Variants in KSR2 observed in about 807,000 individuals in gnomAD.
The protein encoded by KSR2 is kinase suppressor of ras 2.
In KSR2, 25 loss-of-function variants were observed where a neutral mutation model predicts 107.8. The observed-to-expected ratio is 0.23, with a 90% CI of 0.17 to 0.32. The LOEUF is 0.32. Ranked by LOEUF, KSR2 falls within the 10% of genes least tolerant of loss-of-function variation. The probability of loss-of-function intolerance (pLI) is 1.00; values close to 1 mark genes in which losing one functional copy is unlikely to be tolerated. For synonymous variants in KSR2, 480 were observed against 507.0 expected (o/e 0.95, Z 0.71); for missense variants, 887 against 1,268.9 (o/e 0.70, Z 4.57).
At chr12:117,698,712 C>T (rs957387411) in intron 4 of KSR2, among the ~76,000 whole-genome samples, 1 of 152,206 alleles carries the variant, frequency 6.6e-6, no homozygotes, top group African/African-American at 2.4e-5. Context: ...TCCAAACCCA[C>T]TTCCAAACCC....
chr12:117,909,816 G>A (rs1309306554), intron 1 of KSR2, among the ~76,000 whole-genome samples: 1 of 151,880 alleles, frequency 6.6e-6, no homozygotes, highest in African/African-American at 2.4e-5. Context: ...GCTGAGGCAG[G>A]AGGATCACTT....
chr12:117,579,290 C>T, intron 6 of KSR2, 88 bp from the exon 7 acceptor site: 1 of 908,654 alleles, frequency 1.1e-6, no homozygotes, highest in Non-Finnish European at 1.8e-6. Context: ...AGAGCAAGCA[C>T]ATGAACCCTG....
chr12:117,645,868 CGTGT>C (rs58896782), intron 5 of KSR2, among the ~76,000 whole-genome samples: 53,281 of 141,514 alleles, frequency 0.38, 10,661 homozygotes, highest in Non-Finnish European at 0.46. Context: ...TGTGTATGTG[CGTGT>C]GTGTGTGTGT....
At chr12:117,737,265 T>C (rs1397172812) in intron 4 of KSR2, among the ~76,000 whole-genome samples, 2 of 152,200 alleles carry the variant, frequency 1.3e-5, no homozygotes, top group African/African-American at 4.8e-5. Flanking sequence ...AAGAATAGTT[T>C]TTATATTTTA....
At chr12:117,583,361 GT>G (rs1879796494) in intron 5 of KSR2, among the ~76,000 whole-genome samples, 1 of 149,240 alleles carries the variant, frequency 6.7e-6, no homozygotes, top group African/African-American at 2.5e-5. Context: ...GGGTGAGTGA[GT>G]GGGTGGGTGG....
intron 1 of KSR2, among the ~76,000 whole-genome samples, chr12:117,880,613 T>G (rs1477107337): frequency 6.6e-6 from 1 of 151,862 alleles, no homozygotes; most frequent in African/African-American, 2.4e-5. Flanking sequence ...GCCATGAAAT[T>G]TACCCTAGGC....
chr12:117,672,791 AT>A (rs1371447701), intron 4 of KSR2, among the ~76,000 whole-genome samples: 1 of 152,080 alleles, frequency 6.6e-6, no homozygotes, highest in African/African-American at 2.4e-5. Flanking sequence ...TGCCCGGCTA[AT>A]TTTTGTGTTT....
chr12:117,890,476 C>G (rs1210390074), intron 1 of KSR2, among the ~76,000 whole-genome samples: 2 of 152,198 alleles, frequency 1.3e-5, no homozygotes, highest in African/African-American at 4.8e-5. Context: ...CCTTAGAATT[C>G]TACAGTAGTG....
chr12:117,614,619 C>T (rs570669016), intron 5 of KSR2, among the ~76,000 whole-genome samples: 1 of 152,284 alleles, frequency 6.6e-6, no homozygotes, highest in African/African-American at 2.4e-5. Flanking sequence ...AAGGGGAGGC[C>T]ATTGACATCT....
rs574805431 is a variant in KSR2, at chr12:117,539,672, G to A, written c.1687+47C>T. 2.8e-5 allele frequency: 42 copies of A among 1,504,904 alleles called. No individual in the cohort carries two copies. In the East Asian group the frequency reaches 9.2e-4, roughly 33 times the overall value. 93.2% of individuals were successfully genotyped at this position (1,504,904 alleles called of 1,614,324 possible). ...TGAACCCACCCCCTCCCTAATCTCT[G>A]CCCCTCCAACGCTGCACCCCTCATG... On this transcript the variant is annotated intron_variant, in intron 10 of 19. Coordinates refer to ENST00000339824, the MANE Select transcript of KSR2 (RefSeq NM_173598.6).
At chr12:117,654,235 T>A (rs188513374) in intron 5 of KSR2, among the ~76,000 whole-genome samples, 27 of 152,288 alleles carry the variant, frequency 1.8e-4, no homozygotes, top group African/African-American at 5.8e-4. Flanking sequence ...CAGCATTTCA[T>A]CATCAAATGG....
chr12:117,598,483 T>C (rs1565919117), intron 5 of KSR2, among the ~76,000 whole-genome samples: 1 of 152,234 alleles, frequency 6.6e-6, no homozygotes. Flanking sequence ...ATGACTTCTC[T>C]AGTGGGATTG....
intron 1 of KSR2, among the ~76,000 whole-genome samples, chr12:117,936,533 T>TTAGTAGTAG (rs60536021): frequency 3.4e-3 from 402 of 119,668 alleles, no homozygotes; most frequent in Admixed American, 6.6e-3. Context: ...ATTATTATTA[T>TTAGTAGTAG]TAGTAGTAGT....
chr12:117,566,423 C>T (rs1158483878), intron 7 of KSR2, among the ~76,000 whole-genome samples: 1 of 152,140 alleles, frequency 6.6e-6, no homozygotes, highest in Admixed American at 6.5e-5. Context: ...CCTGGCCTGC[C>T]CCCCTCTTTC....
At chr12:117,596,212 T>C (rs1880636876) in intron 5 of KSR2, among the ~76,000 whole-genome samples, 1 of 152,194 alleles carries the variant, frequency 6.6e-6, no homozygotes, top group Non-Finnish European at 1.5e-5. Flanking sequence ...ACGTCTTACA[T>C]GGCAGCAGGC....
chr12:117,574,971 G>T (rs1484522644), intron 7 of KSR2, among the ~76,000 whole-genome samples: 1 of 151,654 alleles, frequency 6.6e-6, no homozygotes, highest in African/African-American at 2.4e-5. Context: ...CAGAGGACAG[G>T]AAATGACCCA....
At chr12:117,805,682 T>C (rs1407407402) in intron 3 of KSR2, among the ~76,000 whole-genome samples, 1 of 152,192 alleles carries the variant, frequency 6.6e-6, no homozygotes, top group Non-Finnish European at 1.5e-5. Context: ...AGAAGCTGGT[T>C]AGAAATGCAG....
intron 5 of KSR2, among the ~76,000 whole-genome samples, chr12:117,643,582 A>G (rs1481875479): frequency 1.3e-5 from 2 of 152,246 alleles, no homozygotes; most frequent in African/African-American, 4.8e-5. Flanking sequence ...TAAGTGCACG[A>G]ACATACTTTA....
At chr12:117,736,398 C>T (rs1887938663) in intron 4 of KSR2, among the ~76,000 whole-genome samples, 1 of 152,238 alleles carries the variant, frequency 6.6e-6, no homozygotes, top group Non-Finnish European at 1.5e-5. Context: ...CCATCCATCT[C>T]TGAACTCCCA....
Sources: allele counts gnomAD v4.1 joint callset (sites outside exome capture counted in the v4.1 genomes callset), GRCh38; gene constraint gnomAD v4.1.1; transcripts MANE v1.5; gene names NCBI Gene and HGNC (gene_info 2026-07-23, HGNC 2026-07-21).